The following DPY19L1 variants were observed in gnomAD, a reference collection of about 807,000 sequenced individuals.
DPY19L1 encodes the protein protein C-mannosyl-transferase DPY19L1.
In DPY19L1, 35 loss-of-function variants were observed where a neutral mutation model predicts 96.9. That is an observed-to-expected ratio of 0.36 (90% confidence interval 0.28 to 0.48). DPY19L1 has a LOEUF of 0.48. Among genes scored for constraint, DPY19L1 ranks in the 20% least tolerant of loss-of-function variants. DPY19L1 has a pLI of 0.99. For synonymous variants in DPY19L1, 205 were observed against 252.6 expected (o/e 0.81, Z 1.79); for missense variants, 521 against 777.9 (o/e 0.67, Z 3.93).
intron 14 of DPY19L1, among the ~76,000 whole-genome samples, 165 bp from the exon 15 acceptor site, chr7:34,947,866 G>T (rs1266275657): frequency 3.3e-5 from 5 of 152,078 alleles, no homozygotes; most frequent in Non-Finnish European, 7.4e-5. Context: ...CCATAGAAAT[G>T]AACTTCCCCA....
At chr7:35,004,600 T>A (rs1364718518) in intron 6 of DPY19L1, among the ~76,000 whole-genome samples, 1 of 152,192 alleles carries the variant, frequency 6.6e-6, no homozygotes, top group Non-Finnish European at 1.5e-5. Flanking sequence ...TCTTTAAACA[T>A]GTATATAAAG....
chr7:35,011,200 G>A lies in DPY19L1; in HGVS notation c.670+130C>T. ...TAAAGCCTGCCCAAATTCTGGACTTGCAGAATCTATATATGCATAATAAAA... is the reference window on the plus strand; with the variant it reads ...TAAAGCCTGCCCAAATTCTGGACTTACAGAATCTATATATGCATAATAAAA... On this transcript the variant is annotated intron_variant, in intron 5 of 21. Coordinates refer to ENST00000638088, the MANE Select transcript of DPY19L1 (RefSeq NM_001366673.1). 3 of 1,074,968 alleles carry A rather than the reference G, an allele frequency of 2.8e-6. No individual in the cohort carries two copies. In the South Asian group the frequency reaches 4.7e-5, roughly 17 times the overall value. 66.6% of individuals were successfully genotyped at this position (1,074,968 alleles called of 1,614,324 possible).
At position 35,004,776 on chromosome 7, in the gene DPY19L1, G is replaced by T. The variant is rs1470487931; in HGVS notation, c.764+5692C>A. Among the ~76,000 whole-genome samples the T allele has an allele frequency of 2.0e-5, 3 of 152,164 alleles. No homozygotes were observed. In the East Asian group the frequency reaches 5.8e-4, roughly 29 times the overall value. On this transcript the variant is annotated intron_variant, in intron 6 of 21. Transcript: ENST00000638088. ...ATAAGATCCTCAATATAAACTGAAGGGATAATTTAAAAGTAAAGTTCCAGT... is the reference window on the plus strand; with the variant it reads ...ATAAGATCCTCAATATAAACTGAAGTGATAATTTAAAAGTAAAGTTCCAGT...
rs1334732720 is a variant in DPY19L1, at chr7:34,929,537, A to G, written c.*2036T>C. 6.6e-6 allele frequency: 1 copy of G among 152,208 alleles called. No individual in the cohort carries two copies. Among genetic ancestry groups the G allele is most frequent in the Non-Finnish European group, 1.5e-5 (1 of 68,038 alleles). 9.4% of individuals were successfully genotyped at this position (152,208 alleles called of 1,614,324 possible). ...ACTTATTACATGTGAACTTCTTTGG[A>G]AGGAAATTACTGGGGGTGAGAAAAA... On this transcript the variant is annotated 3_prime_UTR_variant, in exon 22 of 22. Transcript: ENST00000638088.
chr7:34,946,702 GC>G (rs751730575), intron 15 of DPY19L1, among the ~76,000 whole-genome samples: 3 of 152,184 alleles, frequency 2.0e-5, no homozygotes, highest in Non-Finnish European at 4.4e-5. Flanking sequence ...ACCAGACATA[GC>G]CCAACGATAG....
intron 6 of DPY19L1, among the ~76,000 whole-genome samples, chr7:35,001,565 C>T (rs539303129): frequency 2.6e-5 from 4 of 152,212 alleles, no homozygotes; most frequent in East Asian, 1.9e-4. Flanking sequence ...AAACACTGCA[C>T]CTCCCTTTTA....
chr7:35,024,179 T>C (rs1786068469), intron 1 of DPY19L1, among the ~76,000 whole-genome samples: 1 of 152,176 alleles, frequency 6.6e-6, no homozygotes, highest in South Asian at 2.1e-4. Flanking sequence ...ATTATCATGT[T>C]GAGTAAGTGA....
intron 4 of DPY19L1, among the ~76,000 whole-genome samples, chr7:35,012,598 C>T (rs1443321664): frequency 1.3e-5 from 2 of 151,914 alleles, no homozygotes; most frequent in Non-Finnish European, 1.5e-5. Flanking sequence ...AGATTCCTAC[C>T]CCACACTATG....
upstream of DPY19L1, chr7:35,037,502 G>GGCGC (rs1451481304): frequency 2.5e-5 from 8 of 314,480 alleles, no homozygotes; most frequent in Non-Finnish European, 4.6e-5. Context: ...CGGGCGGGCG[G>GGCGC]AGGGTGGAGG....
At chr7:34,993,858 G>A (rs1375070133) in intron 6 of DPY19L1, among the ~76,000 whole-genome samples, 4 of 150,942 alleles carry the variant, frequency 2.7e-5, no homozygotes, top group South Asian at 2.1e-4. Flanking sequence ...CCAGGAGTTC[G>A]ACACCAGCCT....
rs748183004 is a variant in DPY19L1, at chr7:34,942,595, T to C, written c.1569+20A>G. On this transcript the variant is annotated intron_variant, in intron 17 of 21. Transcript: ENST00000638088. ...TGCAACTTTAAGATAAGTAAAATTA[T>C]AGTCATATTAAGTCTTTACCTCTCC... 7 of 1,567,464 alleles carry C rather than the reference T, an allele frequency of 4.5e-6. No individual in the cohort carries two copies. Among genetic ancestry groups the C allele is most frequent in the African/African-American group, 1.4e-5 (1 of 72,820 alleles).
chr7:34,974,614 C>T (rs1047888621), intron 7 of DPY19L1, among the ~76,000 whole-genome samples: 2 of 152,148 alleles, frequency 1.3e-5, no homozygotes, highest in Non-Finnish European at 2.9e-5. Context: ...ATAATGTATA[C>T]TGTTGTTACT....
Position 35,018,571 on chromosome 7 carries a change from C to T in DPY19L1, c.323+1G>A. 6.2e-7 allele frequency: 1 copy of T among 1,609,178 alleles called. No homozygotes were observed. Among genetic ancestry groups the T allele is most frequent in the South Asian group, 1.1e-5 (1 of 89,296 alleles). On this transcript the variant is annotated splice_donor_variant, in intron 2 of 21. Coordinates refer to ENST00000638088, the MANE Select transcript of DPY19L1 (RefSeq NM_001366673.1). LOFTEE classifies it high-confidence loss of function. ...ACCATAGGAGAAAAAAACAATCTTA[C>T]CAGTGCAACACTGCTGCAAAAACAG...
chr7:34,964,070 G>A (rs183769637), intron 10 of DPY19L1, among the ~76,000 whole-genome samples: 70 of 152,150 alleles, frequency 4.6e-4, no homozygotes, highest in Non-Finnish European at 8.2e-4. Context: ...AATTAAAAAT[G>A]CTTAAGGTGG....
chr7:34,959,930 T>TAC (rs1784467038), intron 10 of DPY19L1, among the ~76,000 whole-genome samples: 1 of 57,240 alleles, frequency 1.7e-5, no homozygotes, highest in African/African-American at 6.2e-5. Flanking sequence ...TATATTTATA[T>TAC]ATATATATAT....
At chr7:35,011,261 G>C in intron 5 of DPY19L1, 69 bp downstream of exon 5, 3 of 1,546,986 alleles carry the variant, frequency 1.9e-6, no homozygotes, top group Non-Finnish European at 2.7e-6. Context: ...TACAGTGTAA[G>C]TTTATTATGC....
chr7:34,966,123 G>A (rs1482232738), intron 10 of DPY19L1, among the ~76,000 whole-genome samples: 1 of 151,482 alleles, frequency 6.6e-6, no homozygotes, highest in Non-Finnish European at 1.5e-5. Context: ...GCCTCCCCAA[G>A]CCACCATACC....
chr7:34,943,925 T>A (rs1256116027), intron 16 of DPY19L1, among the ~76,000 whole-genome samples: 2 of 152,200 alleles, frequency 1.3e-5, no homozygotes, highest in African/African-American at 4.8e-5. Context: ...GTTACAGGTA[T>A]AAACATATAC....
Position 34,938,119 on chromosome 7 carries a change from T to A in DPY19L1, c.1965A>T (p.Arg655Ser). ...NHPHYEDAGL[R>S]ARTKIVYSMY... The stretch of plus-strand genomic sequence containing the variant: ...TTGAGTATACTATTTTTGTTCTGGC[T>A]CTTTAAAGAAAAATAATTGGGCATA... Residue 655 changes from arginine (R) to serine (S), a missense_variant and splice_region_variant, in exon 21 of 22, where the codon AGA (arginine) becomes AGT (serine). Transcript: ENST00000638088. 2 of 1,611,254 alleles carry A rather than the reference T, an allele frequency of 1.2e-6. No individual in the cohort carries two copies. Among genetic ancestry groups the A allele is most frequent in the Non-Finnish European group, 1.7e-6 (2 of 1,179,312 alleles).
Sources: gnomAD v4.1 joint callset for allele counts (sites outside exome capture counted in the v4.1 genomes callset) on GRCh38, gnomAD v4.1.1 for gene constraint, MANE v1.5 for transcripts, NCBI Gene and HGNC (gene_info 2026-07-23, HGNC 2026-07-21) for gene names.